The following NAGS variants were observed in gnomAD, a reference collection of about 807,000 sequenced individuals.
NAGS encodes N-acetylglutamate synthase, also known as N-acetylglutamate synthase, mitochondrial.
Under a neutral mutation model 46.9 loss-of-function variants are expected in NAGS, and 34 were observed. The observed-to-expected ratio is 0.72, with a 90% CI of 0.55 to 0.97. The LOEUF (loss-of-function observed/expected upper bound fraction) is 0.97, where lower values mean the gene tolerates loss of function less well. Among genes scored for constraint, NAGS ranks in the 50% least tolerant of loss-of-function variants. The probability of loss-of-function intolerance (pLI) is 0.00; values close to 1 mark genes in which losing one functional copy is unlikely to be tolerated. For synonymous variants in NAGS, 334 were observed against 346.3 expected (o/e 0.96, Z 0.39); for missense variants, 665 against 747.0 (o/e 0.89, Z 1.28).
rs147700427 is a variant in NAGS at position 44,007,690 on chromosome 17, C to G, written c.1368C>G (p.Ser456=). The G allele has an allele frequency of 2.7e-3, 4,367 of 1,604,718 alleles. 13 individuals are homozygous for G. The highest frequency in any genetic ancestry group is 3.3e-3 in the Non-Finnish European group (3,925 of 1,175,460). The part of the protein sequence containing the change: ...VVSSSRQGQG[S]GQMLWECLRR... ...GCTCCAGCCGCCAGGGCCAAGGCTCCGGCCAGATGCTGTGGGAGTGCCTGC... is the reference window on the plus strand; with the variant it reads ...GCTCCAGCCGCCAGGGCCAAGGCTCGGGCCAGATGCTGTGGGAGTGCCTGC... Residue 456 remains serine, a synonymous_variant, in exon 6 of 7, where the codon TCC becomes TCG. Transcript: ENST00000293404. The surrounding 1 kb of genome is among the most constrained non-coding windows in gnomAD (Gnocchi z 5.1).
chr17:44,004,909 G>A lies in NAGS; in HGVS notation c.246G>A (p.Pro82=), dbSNP rs747154237. Residue 82 remains proline, a synonymous_variant, in exon 1 of 7, where the codon CCG becomes CCA. Transcript: ENST00000293404. ...SPVAEEPSWV[P]SPRPPVPHES... ...TCGCCGAGGAGCCGTCGTGGGTGCC[G>A]AGTCCCAGGCCCCCGGTGCCCCACG... The A allele has an allele frequency of 3.6e-4, 546 of 1,534,394 alleles. No homozygotes were observed. Among genetic ancestry groups the A allele is most frequent in the Non-Finnish European group, 3.8e-4 (441 of 1,146,306 alleles).
rs1186034913 is a variant in NAGS, at chr17:44,006,473, AG to A, written c.916-50del. The A allele has an allele frequency of 1.9e-6, 3 of 1,541,856 alleles. No individual in the cohort carries two copies. Among genetic ancestry groups the A allele is most frequent in the East Asian group, 2.4e-5 (1 of 40,854 alleles). ...AGAGAAAAGAGAGGTCCGTGGGGGT[AG>A]GGGGGCAGTCCGTGCCGGCTGTGGG... is the stretch of plus-strand genomic sequence containing the variant. On this transcript the variant is annotated intron_variant, in intron 3 of 6. Transcript: ENST00000293404. This position sits in a 1 kb window ranked among gnomAD's most constrained non-coding sequence, Gnocchi z 4.8.
rs765197938 is a variant in NAGS, at chr17:44,004,780, G to C, written c.117G>C (p.Ala39=). 60 of 1,368,028 alleles carry C rather than the reference G, an allele frequency of 4.4e-5. No homozygotes were observed. The Admixed American group carries it at 4.8e-4, about 11-fold the overall frequency. The allele number at this position is 1,368,028 out of a possible 1,614,324, so 84.7% of individuals were successfully genotyped here. A position where few individuals can be genotyped will look rare whatever the true frequency, so the allele number is the denominator to read the frequency against. ...TGAGCTGTGGCGCGCGGCGGCGGGC[G>C]GCGAGGGGCACCAGCCCGGGGCGCC... The part of the protein sequence containing the change: ...RRLSCGARRR[A]ARGTSPGRRL... The change falls in exon 1 of 7, where the codon GCG becomes GCC. Residue 39 remains alanine, a synonymous_variant. Coordinates refer to ENST00000293404, the MANE Select transcript of NAGS (RefSeq NM_153006.3).
rs148757315 is a variant in NAGS at position 44,005,611 on chromosome 17, C to G, written c.427-26C>G. On this transcript the variant is annotated intron_variant, in intron 1 of 6. Transcript: ENST00000293404. The surrounding 1 kb of genome is among the most constrained non-coding windows in gnomAD (Gnocchi z 7.2). ...GCCAGCGGCTCAGGTCCGTGTCACG[C>G]TCCTTGAAAGCCCACTCCTCCGCAG... 7.0e-5 allele frequency: 112 copies of G among 1,606,862 alleles called. No individual in the cohort carries two copies. The East Asian group carries it at 2.0e-3, about 29-fold the overall frequency.
rs1030712502 is a variant in NAGS at position 44,008,911 on chromosome 17, A to T, written c.*310A>T. The T allele has an allele frequency of 2.0e-5, 9 of 460,788 alleles. No individual in the cohort carries two copies. Among genetic ancestry groups the T allele is most frequent in the Non-Finnish European group, 3.6e-5 (9 of 249,214 alleles). 28.5% of individuals were successfully genotyped at this position (460,788 alleles called of 1,614,324 possible). A position where few individuals can be genotyped will look rare whatever the true frequency, so the allele number is the denominator to read the frequency against. On this transcript the variant is annotated 3_prime_UTR_variant, in exon 7 of 7. Coordinates refer to ENST00000293404, the MANE Select transcript of NAGS (RefSeq NM_153006.3). The stretch of plus-strand genomic sequence containing the variant: ...CAGGGCTCTACTCAGGACTAACCCT[A>T]AGGGTGAGCTAGTTTCTGTGCCTCT...
rs2049093655 is a variant in NAGS at position 44,006,510 on chromosome 17, C to T, written c.916-19C>T. The T allele has an allele frequency of 1.3e-6, 2 of 1,550,150 alleles. No individual in the cohort carries two copies. Among genetic ancestry groups the T allele is most frequent in the African/African-American group, 1.4e-5 (1 of 73,046 alleles). ...CGTGCCGGCTGTGGGCCAGGCTCAC[C>T]CGCTGACTCCGGACACAGGTCCTGA... is the stretch of plus-strand genomic sequence containing the variant. On this transcript the variant is annotated intron_variant, in intron 3 of 6. Coordinates refer to ENST00000293404, the MANE Select transcript of NAGS (RefSeq NM_153006.3). This position sits in a 1 kb window ranked among gnomAD's most constrained non-coding sequence, Gnocchi z 4.8.
In NAGS at chr17:44,005,892, G is replaced by C; in HGVS notation, c.682G>C (p.Glu228Gln). Residue 228 changes from glutamate (E) to glutamine (Q), a missense_variant, in exon 2 of 7, where the codon GAG becomes CAG. By Grantham distance (29) the Glu-to-Gln change is conservative. Transcript: ENST00000293404. The surrounding 1 kb of genome is among the most constrained non-coding windows in gnomAD (Gnocchi z 7.2). ...CGGCGGGTCTGTGCTACGCGCTGCC[G>C]AGCCGGCTCCCCATGCCAGGTGAGT... Reference protein sequence around the residue: ...FGGGSVLRAAEPAPHASYGGI... With the variant: ...FGGGSVLRAAQPAPHASYGGI... 1 of 1,548,246 alleles carries C rather than the reference G, an allele frequency of 6.5e-7. No individual in the cohort carries two copies. Among genetic ancestry groups the C allele is most frequent in the African/African-American group, 1.4e-5 (1 of 73,526 alleles).
rs1371401108 is a variant in NAGS at position 44,005,777 on chromosome 17, C to T, written c.567C>T (p.Phe189=). 5.0e-6 allele frequency: 8 copies of T among 1,591,376 alleles called. No individual in the cohort carries two copies. Among genetic ancestry groups the T allele is most frequent in the Non-Finnish European group, 6.8e-6 (8 of 1,169,990 alleles). ...CGGCTCCCTCGGGCTGTCTTTCCTTCTGGGAGGCCAAGGCGCAGCTGGCCA... is the reference window on the plus strand; with the variant it reads ...CGGCTCCCTCGGGCTGTCTTTCCTTTTGGGAGGCCAAGGCGCAGCTGGCCA... The part of the protein sequence containing the change: ...APTAPSGCLS[F]WEAKAQLAKS... The change falls in exon 2 of 7, where the codon TTC becomes TTT. Residue 189 remains phenylalanine (F), a synonymous_variant. Transcript: ENST00000293404. This position sits in a 1 kb window ranked among gnomAD's most constrained non-coding sequence, Gnocchi z 7.2.
At position 44,006,712 on chromosome 17, in the gene NAGS, G is replaced by C; in HGVS notation, c.1096+3G>C. The C allele has an allele frequency of 1.9e-6, 3 of 1,596,696 alleles. No homozygotes were observed. Among genetic ancestry groups the C allele is most frequent in the Non-Finnish European group, 1.7e-6 (2 of 1,168,356 alleles). ...CACTGAGCTCTTTAGCAACAAGGGT[G>C]AGGGCGGTGGGCGGGCCGGGGACTG... On this transcript the variant is annotated splice_donor_region_variant and intron_variant, in intron 4 of 6. Coordinates refer to ENST00000293404, the MANE Select transcript of NAGS (RefSeq NM_153006.3). The surrounding 1 kb of genome is among the most constrained non-coding windows in gnomAD (Gnocchi z 4.8).
Position 44,007,720 on chromosome 17 carries a change from G to C in NAGS, c.1398G>C (p.Arg466=). 6.2e-7 allele frequency: 1 copy of C among 1,601,166 alleles called. No homozygotes were observed. The highest frequency in any genetic ancestry group is 1.3e-5 in the African/African-American group (1 of 74,520). ...AGATGCTGTGGGAGTGCCTGCGGCG[G>C]GACCTTCAGACACTTTTCTGGCGCT... ...SGQMLWECLR[R]DLQTLFWRSR... The change falls in exon 6 of 7, where the codon CGG becomes CGC. Residue 466 remains arginine, a synonymous_variant. Coordinates refer to ENST00000293404, the MANE Select transcript of NAGS (RefSeq NM_153006.3). The surrounding 1 kb of genome is among the most constrained non-coding windows in gnomAD (Gnocchi z 5.1).
Position 44,006,339 on chromosome 17 carries a change from G to T in NAGS, c.915+102G>T. ...GGGCCGCAGACTCACTAGCAAGCCG[G>T]GTGGGTAGAAAAGCCTAAGGGAGTA... On this transcript the variant is annotated intron_variant, in intron 3 of 6. Coordinates refer to ENST00000293404, the MANE Select transcript of NAGS (RefSeq NM_153006.3). This position sits in a 1 kb window ranked among gnomAD's most constrained non-coding sequence, Gnocchi z 4.8. 1 of 1,504,784 alleles carries T rather than the reference G, an allele frequency of 6.6e-7. No individual in the cohort carries two copies. Among genetic ancestry groups the T allele is most frequent in the South Asian group, 1.2e-5 (1 of 83,288 alleles). The allele number at this position is 1,504,784 out of a possible 1,614,324, so 93.2% of individuals were successfully genotyped here.
At position 44,008,576 on chromosome 17, in the gene NAGS, A is replaced by G; in HGVS notation, c.1580A>G (p.Lys527Arg). ...HAKGLPDSFH[K>R]PASDPGS ...AAGGGACTGCCAGACTCCTTTCACA[A>G]GCCAGCTTCTGACCCAGGCAGCTGA... The change falls in exon 7 of 7, where the codon AAG (lysine) becomes AGG (arginine). Residue 527 changes from lysine (K) to arginine (R), a missense_variant. Lys to Arg is a conservative substitution (Grantham distance 26). Transcript: ENST00000293404. 1 of 1,614,186 alleles carries G rather than the reference A, an allele frequency of 6.2e-7. No homozygotes were observed. Among genetic ancestry groups the G allele is most frequent in the Non-Finnish European group, 8.5e-7 (1 of 1,180,036 alleles).
In NAGS at chr17:44,007,418, A is replaced by T. The variant is rs1312599995; in HGVS notation, c.1192A>T (p.Ser398Cys). 6.8e-6 allele frequency: 11 copies of T among 1,613,914 alleles called. No homozygotes were observed. The highest frequency in any genetic ancestry group is 9.3e-6 in the Non-Finnish European group (11 of 1,180,004). Residue 398 changes from serine to cysteine, a missense_variant, in exon 5 of 7, where the codon AGC (serine) becomes TGC (cysteine). Ser to Cys is a moderately radical substitution (Grantham distance 112, BLOSUM62 -1). Coordinates refer to ENST00000293404, the MANE Select transcript of NAGS (RefSeq NM_153006.3). The surrounding 1 kb of genome is among the most constrained non-coding windows in gnomAD (Gnocchi z 5.1). Reference protein sequence around the residue: ...QGRLVDLVNASFGKKLRDDYL... With the variant: ...QGRLVDLVNACFGKKLRDDYL... ...CCGTCTAGTGGACCTGGTCAACGCC[A>T]GCTTCGGCAAGAAGCTCAGGGACGA...
In NAGS at chr17:44,006,729, CG is replaced by C; in HGVS notation, c.1096+24del. On this transcript the variant is annotated intron_variant, in intron 4 of 6. Coordinates refer to ENST00000293404, the MANE Select transcript of NAGS (RefSeq NM_153006.3). The surrounding 1 kb of genome is among the most constrained non-coding windows in gnomAD (Gnocchi z 4.8). Reference sequence around the variant, plus strand: ...ACAAGGGTGAGGGCGGTGGGCGGGCCGGGGACTGGGTCCCGGGAGTGAGTAC... The same window carrying C: ...ACAAGGGTGAGGGCGGTGGGCGGGCCGGGACTGGGTCCCGGGAGTGAGTAC... 1 of 1,581,114 alleles carries C rather than the reference CG, an allele frequency of 6.3e-7. No homozygotes were observed.
Position 44,007,066 on chromosome 17 carries a change from C to A in NAGS, c.1097-257C>A. The A allele has an allele frequency of 1.7e-6, 1 of 586,266 alleles. No homozygotes were observed. Among genetic ancestry groups the A allele is most frequent in the Non-Finnish European group, 3.0e-6 (1 of 331,658 alleles). 36.3% of individuals were successfully genotyped at this position (586,266 alleles called of 1,614,324 possible). ...CGGGTCAGCGGCGGGAGACAGACTT[C>A]AAGGAGCGAGGCAAGACTAACGGAA... is the stretch of plus-strand genomic sequence containing the variant. On this transcript the variant is annotated intron_variant, in intron 4 of 6. Transcript: ENST00000293404. The surrounding 1 kb of genome is among the most constrained non-coding windows in gnomAD (Gnocchi z 5.1).
chr17:44,005,587 C>G lies in NAGS; in HGVS notation c.427-50C>G. ...GGCCCTGCAGGCCAGGCTGTGGGAG[C>G]CAGCGGCTCAGGTCCGTGTCACGCT... On this transcript the variant is annotated intron_variant, in intron 1 of 6. Coordinates refer to ENST00000293404, the MANE Select transcript of NAGS (RefSeq NM_153006.3). This position sits in a 1 kb window ranked among gnomAD's most constrained non-coding sequence, Gnocchi z 7.2. 1 of 1,589,396 alleles carries G rather than the reference C, an allele frequency of 6.3e-7. No individual in the cohort carries two copies.
intron 6 of NAGS, 102 bp from the exon 7 acceptor site, chr17:44,008,346 G>A: frequency 1.2e-5 from 16 of 1,390,466 alleles, no homozygotes; most frequent in Non-Finnish European, 1.6e-5. Context: ...TGCCCAGCAT[G>A]CAGTAGGTCC....
Position 44,008,767 on chromosome 17 carries a change from T to A in NAGS, c.*166T>A. The stretch of plus-strand genomic sequence containing the variant: ...GCTCTGCCCAGAGGAGGCGCTGAAG[T>A]GGGACAAGCACAGGAAAGAAGGGGA... On this transcript the variant is annotated 3_prime_UTR_variant, in exon 7 of 7. Coordinates refer to ENST00000293404, the MANE Select transcript of NAGS (RefSeq NM_153006.3). 2 of 882,360 alleles carry A rather than the reference T, an allele frequency of 2.3e-6. No individual in the cohort carries two copies. The highest frequency in any genetic ancestry group is 3.6e-6 in the Non-Finnish European group (2 of 550,468). The allele number at this position is 882,360 out of a possible 1,614,324, so 54.7% of individuals were successfully genotyped here.
chr17:44,004,663 C>A lies in NAGS; in HGVS notation c.-1C>A. On this transcript the variant is annotated 5_prime_UTR_variant, in exon 1 of 7. Coordinates refer to ENST00000293404, the MANE Select transcript of NAGS (RefSeq NM_153006.3). ...TTGGGGGGCAAGAGTTGGTTGTCGT[C>A]ATGGCGACGGCGCTGATGGCTGTGG... 1 of 1,523,460 alleles carries A rather than the reference C, an allele frequency of 6.6e-7. No individual in the cohort carries two copies. Among genetic ancestry groups the A allele is most frequent in the South Asian group, 1.3e-5 (1 of 77,532 alleles). The allele number at this position is 1,523,460 out of a possible 1,614,324, so 94.4% of individuals were successfully genotyped here.
Sources: gnomAD v4.1 joint callset for allele counts on GRCh38, gnomAD v4.1.1 for gene constraint, Gnocchi (gnomAD v3.1) non-coding constraint, MANE v1.5 for transcripts, NCBI Gene and HGNC (gene_info 2026-07-23, HGNC 2026-07-21) for gene names.